NLRX1: variants seen among roughly 807,000 people sequenced by gnomAD.
The protein encoded by NLRX1 is NLR family member X1.
In NLRX1, 67 loss-of-function variants were observed where a neutral mutation model predicts 74.2. That is an observed-to-expected ratio of 0.90 (90% confidence interval 0.74 to 1.11). NLRX1 has a LOEUF of 1.11. Ranked by LOEUF, NLRX1 falls within the 50% of genes least tolerant of loss-of-function variation. NLRX1 has a pLI of 0.00. For missense variants in NLRX1, 1,191 were observed against 1,305.4 expected, an observed-to-expected ratio of 0.91 and a Z score of 1.35; for synonymous variants, 506 against 559.1, an observed-to-expected ratio of 0.91 and a Z score of 1.34.
chr11:119,172,872 C>T, intron 3 of NLRX1, 29 bp from the exon 4 acceptor site: 1 of 1,556,464 alleles, frequency 6.4e-7, no homozygotes, highest in Non-Finnish European at 8.9e-7. Flanking sequence ...AGTTACAAGT[C>T]CCAGCTCATC....
chr11:119,182,403 ACTGTG>A, intron 9 of NLRX1, 58 bp downstream of exon 9: 1 of 1,572,710 alleles, frequency 6.4e-7, no homozygotes, highest in African/African-American at 1.3e-5. Context: ...CCCTCTCTCA[ACTGTG>A]CTCCTCCAAT....
rs1337180775 is a variant in NLRX1 at position 119,183,904 on chromosome 11, G to A, written c.*465G>A. 2.6e-6 allele frequency: 2 copies of A among 780,782 alleles called. No homozygotes were observed. Among genetic ancestry groups the A allele is most frequent in the Non-Finnish European group, 4.8e-6 (2 of 417,950 alleles). The allele number at this position is 780,782 out of a possible 1,614,324, so 48.4% of individuals were successfully genotyped here. A position where few individuals can be genotyped will look rare whatever the true frequency, so the allele number is the denominator to read the frequency against. ...ACACCGAGGATGCCCTCACATTGGT[G>A]CTTTCTCCTCATCCTCATGCCCCCT... On this transcript the variant is annotated 3_prime_UTR_variant, in exon 10 of 10. Transcript: ENST00000409109. This position sits in a 1 kb window ranked among gnomAD's most constrained non-coding sequence, Gnocchi z 5.7.
At chr11:119,176,012 T>C (rs1225975845) in intron 6 of NLRX1, among the ~76,000 whole-genome samples, 2 of 152,336 alleles carry the variant, frequency 1.3e-5, no homozygotes, top group East Asian at 3.9e-4. Context: ...AGAGGTAAAG[T>C]AACTTGTCCA....
chr11:119,181,235 C>T lies in NLRX1; in HGVS notation c.2332C>T (p.Gln778Ter), dbSNP rs1309148463. The T allele has an allele frequency of 4.3e-6, 7 of 1,613,764 alleles. No individual in the cohort carries two copies. Among genetic ancestry groups the T allele is most frequent in the Non-Finnish European group, 5.9e-6 (7 of 1,179,920 alleles). Residue 778 changes from glutamine (Q) to a stop codon, truncating the protein, a stop_gained, in exon 8 of 10, where the codon CAG (glutamine) becomes TAG (stop). Transcript: ENST00000409109. LOFTEE classifies it high-confidence loss of function. Reference sequence around the variant, plus strand: ...CCTCCGAGACCTGTTGCTGCATGACCAGTGCCAAATTACCACACTGCGGTG... The same window carrying T: ...CCTCCGAGACCTGTTGCTGCATGACTAGTGCCAAATTACCACACTGCGGTG... Reference protein sequence around the residue: ...KDLRDLLLHDQCQITTLRLSN... With the variant: ...KDLRDLLLHD
chr11:119,177,042 C>T (rs1466940233), intron 6 of NLRX1, among the ~76,000 whole-genome samples: 2 of 152,104 alleles, frequency 1.3e-5, no homozygotes, highest in Non-Finnish European at 2.9e-5. Context: ...TGAACTCATC[C>T]TCAGGGTCTA....
rs1426794447 is a variant in NLRX1, at chr11:119,173,608, C to T, written c.359C>T (p.Pro120Leu). ...GACCCTGTGATCCGCGAGAGTACCCCTGATGAGCTACTTCGCCCACCCGCG... is the reference window on the plus strand; with the variant it reads ...GACCCTGTGATCCGCGAGAGTACCCTTGATGAGCTACTTCGCCCACCCGCG... ...HVDPVIREST[P>L]DELLRPPAEL... Residue 120 changes from proline to leucine, a missense_variant, in exon 5 of 10, where the codon CCT (proline) becomes CTT (leucine). Pro to Leu is a moderately conservative substitution (Grantham distance 98). Transcript: ENST00000409109. This position sits in a 1 kb window ranked among gnomAD's most constrained non-coding sequence, Gnocchi z 4.0. 6.2e-7 allele frequency: 1 copy of T among 1,614,182 alleles called. No individual in the cohort carries two copies. The highest frequency in any genetic ancestry group is 8.5e-7 in the Non-Finnish European group (1 of 1,180,044).
rs974386347 is a variant in NLRX1, at chr11:119,180,222, C to T, written c.2201C>T (p.Ser734Phe). The change falls in exon 7 of 10, where the codon TCC becomes TTC. Residue 734 changes from serine to phenylalanine, a missense_variant. Coordinates refer to ENST00000409109, the MANE Select transcript of NLRX1 (RefSeq NM_001282144.2). ...RHALDEVNLA[S>F]CQLDPAGLRT... Reference sequence around the variant, plus strand: ...GCCCTGGATGAGGTGAACTTGGCCTCCTGCCAGCTAGATCCTGCTGGGCTG... The same window carrying T: ...GCCCTGGATGAGGTGAACTTGGCCTTCTGCCAGCTAGATCCTGCTGGGCTG... 3.1e-6 allele frequency: 5 copies of T among 1,611,116 alleles called. No individual in the cohort carries two copies. In the African/African-American group the frequency reaches 5.3e-5, roughly 17 times the overall value.
intron 1 of NLRX1, among the ~76,000 whole-genome samples, chr11:119,170,000 G>GAAAAA (rs59630475): frequency 1.2e-4 from 5 of 40,332 alleles, no homozygotes; most frequent in East Asian, 8.1e-4. Context: ...CCTGTCTCAG[G>GAAAAA]AAAAAAAAAA....
At chr11:119,172,573 G>T (rs1228569304) in intron 3 of NLRX1, 148 bp downstream of exon 3, 5 of 670,648 alleles carry the variant, frequency 7.5e-6, no homozygotes, top group African/African-American at 1.8e-5. Context: ...CAGCTCCAAG[G>T]CCTGAGAGGA....
At chr11:119,174,384 TC>T (rs1315518325) in intron 5 of NLRX1, 68 bp from the exon 6 acceptor site, 2 of 1,486,124 alleles carry the variant, frequency 1.3e-6, no homozygotes, top group Middle Eastern at 1.8e-4. Context: ...TCTTCAGGGG[TC>T]CCCTGGGAAT....
Position 119,179,833 on chromosome 11 carries a change from G to C in NLRX1, c.1812G>C (p.Val604=). ...AGATGGGCGCCAGTATCCTGGGCGTGGAGGGCCCCCGGCGCCACCCAGATG... is the reference window on the plus strand; with the variant it reads ...AGATGGGCGCCAGTATCCTGGGCGTCGAGGGCCCCCGGCGCCACCCAGATG... ...LDQMGASILG[V]EGPRRHPDEP... is the part of the protein sequence containing the mutation. Residue 604 remains valine (V), a synonymous_variant, in exon 7 of 10, where the codon GTG becomes GTC. Transcript: ENST00000409109. The C allele has an allele frequency of 6.2e-7, 1 of 1,614,016 alleles. No individual in the cohort carries two copies. The highest frequency in any genetic ancestry group is 8.5e-7 in the Non-Finnish European group (1 of 1,180,000).
chr11:119,183,264 A>T lies in NLRX1; in HGVS notation c.2753A>T (p.Gln918Leu). The change falls in exon 10 of 10, where the codon CAG (glutamine) becomes CTG (leucine). Residue 918 changes from glutamine to leucine, a missense_variant. By Grantham distance (113) the Gln-to-Leu change is moderately radical (BLOSUM62 -2). Coordinates refer to ENST00000409109, the MANE Select transcript of NLRX1 (RefSeq NM_001282144.2). The surrounding 1 kb of genome is among the most constrained non-coding windows in gnomAD (Gnocchi z 5.7). ...TGGTCAGTGATCCTCAGTGAAGTCC[A>T]GCGGAACCTCAATAGCTGGGATCGG... ...EYWSVILSEV[Q>L]RNLNSWDRAR... 6.2e-7 allele frequency: 1 copy of T among 1,614,254 alleles called. No individual in the cohort carries two copies. Among genetic ancestry groups the T allele is most frequent in the Non-Finnish European group, 8.5e-7 (1 of 1,180,046 alleles).
chr11:119,179,677 C>T lies in NLRX1; in HGVS notation c.1672-16C>T. 1 of 1,448,520 alleles carries T rather than the reference C, an allele frequency of 6.9e-7. No homozygotes were observed. The highest frequency in any genetic ancestry group is 9.2e-7 in the Non-Finnish European group (1 of 1,086,910). 89.7% of individuals were successfully genotyped at this position (1,448,520 alleles called of 1,614,324 possible). A position where few individuals can be genotyped will look rare whatever the true frequency, so the allele number is the denominator to read the frequency against. On this transcript the variant is annotated splice_polypyrimidine_tract_variant and intron_variant, in intron 6 of 9. Coordinates refer to ENST00000409109, the MANE Select transcript of NLRX1 (RefSeq NM_001282144.2). ...ACATGGAAGGCCACAGTGACTCTCC[C>T]CTGCTTCTTTTTCAGGTGGTTCCAC...
At chr11:119,176,688 T>TA (rs1018670242) in intron 6 of NLRX1, among the ~76,000 whole-genome samples, 23 of 151,736 alleles carry the variant, frequency 1.5e-4, no homozygotes, top group Non-Finnish European at 2.5e-4. Flanking sequence ...CTCTCAAAAA[T>TA]AAAAAAATAA....
At chr11:119,179,582 A>C (rs1948778133) in intron 6 of NLRX1, 111 bp from the exon 7 acceptor site, 1 of 899,686 alleles carries the variant, frequency 1.1e-6, no homozygotes, top group Non-Finnish European at 1.7e-6. Context: ...TGCTAAGTTC[A>C]AGGGGAGATC....
rs373665054 is a variant in NLRX1 at position 119,172,945 on chromosome 11, C to A, written c.185C>A (p.Pro62Gln). Residue 62 changes from proline (P) to glutamine (Q), a missense_variant, in exon 4 of 10, where the codon CCA becomes CAA. By Grantham distance (76) the Pro-to-Gln change is moderately conservative (BLOSUM62 -1). Coordinates refer to ENST00000409109, the MANE Select transcript of NLRX1 (RefSeq NM_001282144.2). ...GGAAGCTCGGTAGATAGCGCTCCCC[C>A]ACCCGGGAGGCATGGACGGCTGTTC... Reference protein sequence around the residue: ...HHGSSVDSAPPPGRHGRLFPS... With the variant: ...HHGSSVDSAPQPGRHGRLFPS... 192 of 1,613,982 alleles carry A rather than the reference C, an allele frequency of 1.2e-4. 1 individual carries two copies. The South Asian group carries it at 1.8e-3, about 15-fold the overall frequency.
Position 119,182,189 on chromosome 11 carries a change from C to T in NLRX1, c.2450C>T (p.Thr817Met), listed in dbSNP as rs756834565. ...TSVTHLSLLH[T>M]GLGDEGLELL... is the part of the protein sequence containing the mutation. The stretch of plus-strand genomic sequence containing the variant: ...GTGACGCACCTGTCCCTGCTGCACA[C>T]GGGCCTTGGGGACGAAGGCCTGGAG... The change falls in exon 9 of 10, where the codon ACG (threonine) becomes ATG (methionine). Residue 817 changes from threonine to methionine, a missense_variant. Coordinates refer to ENST00000409109, the MANE Select transcript of NLRX1 (RefSeq NM_001282144.2). 16 of 1,614,118 alleles carry T rather than the reference C, an allele frequency of 9.9e-6. No homozygotes were observed. The highest frequency in any genetic ancestry group is 1.7e-4 in the Middle Eastern group (1 of 6,060).
Position 119,174,812 on chromosome 11 carries a change from C to T in NLRX1, c.1209C>T (p.Arg403=). The T allele has an allele frequency of 4.3e-6, 7 of 1,614,032 alleles. No homozygotes were observed. The highest frequency in any genetic ancestry group is 5.9e-6 in the Non-Finnish European group (7 of 1,180,050). ...TLTSIYTSFL[R]LNFSGETLDS... The stretch of plus-strand genomic sequence containing the variant: ...CAAGCATCTATACCAGCTTCCTGCG[C>T]CTCAACTTCAGCGGGGAAACCCTGG... The change falls in exon 6 of 10, where the codon CGC becomes CGT. Residue 403 remains arginine (R), a synonymous_variant. Transcript: ENST00000409109.
rs80042725 is a variant in NLRX1 at position 119,174,654 on chromosome 11, G to A, written c.1051G>A (p.Val351Met). Residue 351 changes from valine (V) to methionine (M), a missense_variant, in exon 6 of 10, where the codon GTG (valine) becomes ATG (methionine). Coordinates refer to ENST00000409109, the MANE Select transcript of NLRX1 (RefSeq NM_001282144.2). ...SATPAQRDHL[V>M]QMLSRNLEGH... The stretch of plus-strand genomic sequence containing the variant: ...CACACCAGCTCAGCGTGACCACCTG[G>A]TGCAGATGCTCTCCCGGAACCTGGA... The A allele has an allele frequency of 1.2e-6, 2 of 1,613,916 alleles. No homozygotes were observed. Among genetic ancestry groups the A allele is most frequent in the Non-Finnish European group, 1.7e-6 (2 of 1,180,044 alleles).
Sources: gnomAD v4.1 joint callset for allele counts (sites outside exome capture counted in the v4.1 genomes callset) on GRCh38, gnomAD v4.1.1 for gene constraint, Gnocchi (gnomAD v3.1) non-coding constraint, MANE v1.5 for transcripts, NCBI Gene and HGNC (gene_info 2026-07-23, HGNC 2026-07-21) for gene names.